Variants in DCC observed in about 807,000 individuals in gnomAD.
DCC encodes the protein netrin receptor DCC.
A neutral mutation model predicts 172.5 loss-of-function variants in DCC; 58 were observed. The ratio of observed to expected loss-of-function variants is 0.34; its 90% confidence interval spans 0.27 to 0.42. The LOEUF (loss-of-function observed/expected upper bound fraction) is 0.42, where lower values mean the gene tolerates loss of function less well. DCC is among the 10% of genes least tolerant of loss of function. The pLI is 1.00. For synonymous variants in DCC, 709 were observed against 644.5 expected, an observed-to-expected ratio of 1.10 and a Z score of -1.52; for missense variants, 1,740 against 1,791.0, an observed-to-expected ratio of 0.97 and a Z score of 0.51.
chr18:52,879,998 C>A (rs2039459908), intron 2 of DCC, among the ~76,000 whole-genome samples: 1 of 152,028 alleles, frequency 6.6e-6, no homozygotes, highest in Non-Finnish European at 1.5e-5. Flanking sequence ...GGATATTCAT[C>A]CCATCAAAGA....
intron 7 of DCC, among the ~76,000 whole-genome samples, chr18:53,070,691 T>C (rs2042640202): frequency 6.6e-6 from 1 of 152,228 alleles, no homozygotes; most frequent in Non-Finnish European, 1.5e-5. Flanking sequence ...GTCAGTGGCA[T>C]CTACTCTCTT....
chr18:53,209,444 C>A (rs1403278020), intron 11 of DCC, among the ~76,000 whole-genome samples: 1 of 152,068 alleles, frequency 6.6e-6, no homozygotes, highest in African/African-American at 2.4e-5. Flanking sequence ...AATTATTTAT[C>A]TTTTTAATTA....
intron 1 of DCC, among the ~76,000 whole-genome samples, chr18:52,367,201 CG>C (rs371978127): frequency 0.1 from 15,826 of 152,204 alleles, 1,033 homozygotes; most frequent in African/African-American, 0.18. Context: ...GCTCTGAGTG[CG>C]GGGCCCGCCA....
Position 53,040,484 on chromosome 18 carries a change from C to G in DCC, c.986-22821C>G, listed in dbSNP as rs938574821. On this transcript the variant is annotated intron_variant, in intron 5 of 28. Transcript: ENST00000442544. ...CTCAAACCTGTCACTGAATCAGAAG[C>G]TCTGGGTGTGAATCCAAGGATTCTG... Among the ~76,000 whole-genome samples, 9 of 151,950 alleles carry G rather than the reference C, an allele frequency of 5.9e-5. No homozygotes were observed. In the East Asian group the frequency reaches 1.7e-3, roughly 29 times the overall value.
At chr18:53,058,919 A>G (rs138354467) in intron 5 of DCC, among the ~76,000 whole-genome samples, 2 of 152,276 alleles carry the variant, frequency 1.3e-5, no homozygotes, top group East Asian at 3.9e-4. Flanking sequence ...GGGTGTCTGT[A>G]TTAGTCCATT....
intron 2 of DCC, among the ~76,000 whole-genome samples, chr18:52,856,611 G>C (rs1448020351): frequency 6.4e-5 from 6 of 93,492 alleles, no homozygotes; most frequent in African/African-American, 2.6e-4. Flanking sequence ...GGGCGACAGA[G>C]CAAGACTCCA....
At chr18:52,467,963 G>T (rs1291657595) in intron 1 of DCC, among the ~76,000 whole-genome samples, 1 of 152,072 alleles carries the variant, frequency 6.6e-6, no homozygotes, top group African/African-American at 2.4e-5. Flanking sequence ...TTGTCAGATG[G>T]ATAGATTGCA....
chr18:52,764,797 G>T (rs1278109395), intron 2 of DCC, among the ~76,000 whole-genome samples: 7 of 152,058 alleles, frequency 4.6e-5, no homozygotes. Flanking sequence ...GTACTGATTT[G>T]TGTCTCTTCT....
Position 53,486,885 on chromosome 18 carries a change from G to A in DCC, c.3825G>A (p.Pro1275=), listed in dbSNP as rs753536689. Residue 1275 remains proline, a synonymous_variant, in exon 26 of 29, where the codon CCG becomes CCA. Transcript: ENST00000442544. ...LPSPTCGYPH[P]QFTLRPVPFP... is the part of the protein sequence containing the mutation. The stretch of plus-strand genomic sequence containing the variant: ...CTCCCACCTGTGGATATCCCCACCC[G>A]CAGTTCACTCTCCGGCCTGTGCCAT... 78 of 1,613,990 alleles carry A rather than the reference G, an allele frequency of 4.8e-5. No individual in the cohort carries two copies. Among genetic ancestry groups the A allele is most frequent in the Middle Eastern group, 3.3e-4 (2 of 6,084 alleles).
intron 1 of DCC, among the ~76,000 whole-genome samples, chr18:52,371,769 C>T (rs76745324): frequency 0.072 from 11,013 of 152,244 alleles, 671 homozygotes; most frequent in East Asian, 0.26. Flanking sequence ...ATGCTAGTTT[C>T]CTCATAGCAT....
chr18:52,852,853 A>G (rs2038997548), intron 2 of DCC, among the ~76,000 whole-genome samples: 1 of 152,166 alleles, frequency 6.6e-6, no homozygotes, highest in African/African-American at 2.4e-5. Context: ...TGGAAATTAC[A>G]TATTTAGTAT....
intron 12 of DCC, among the ~76,000 whole-genome samples, chr18:53,283,639 G>C (rs1192404717): frequency 2.0e-5 from 3 of 152,086 alleles, no homozygotes; most frequent in Admixed American, 2.0e-4. Context: ...AGGTATCCAG[G>C]TCTGTCTAAC....
intron 2 of DCC, among the ~76,000 whole-genome samples, chr18:52,838,027 G>T (rs747955749): frequency 1.3e-5 from 2 of 152,080 alleles, no homozygotes; most frequent in Non-Finnish European, 2.9e-5. Flanking sequence ...TCACTATCAC[G>T]AGAACAGGGT....
At chr18:52,403,454 A>T (rs1986517123) in intron 1 of DCC, among the ~76,000 whole-genome samples, 1 of 152,030 alleles carries the variant, frequency 6.6e-6, no homozygotes, top group South Asian at 2.1e-4. Context: ...TAACACCCTG[A>T]TTAACAGCCC....
At chr18:53,357,939 C>A (rs1311320918) in intron 15 of DCC, among the ~76,000 whole-genome samples, 1 of 152,074 alleles carries the variant, frequency 6.6e-6, no homozygotes, top group African/African-American at 2.4e-5. Flanking sequence ...CACAGAGAAT[C>A]CCTGCTTATT....
rs192940182 is a variant in DCC at position 52,620,119 on chromosome 18, T to G, written c.92-131935T>G. ...CAGTTAATTAAATGGCTCAGGCATG[T>G]CATTTTGGAAAAGCTTTGGATTTGG... is the stretch of plus-strand genomic sequence containing the variant. On this transcript the variant is annotated intron_variant, in intron 1 of 28. Coordinates refer to ENST00000442544, the MANE Select transcript of DCC (RefSeq NM_005215.4). 1.9e-3 allele frequency among the ~76,000 whole-genome samples: 293 copies of G among 152,350 alleles called. 1 individual carries two copies. The highest frequency in any genetic ancestry group is 1.4e-3 in the Non-Finnish European group (98 of 68,040).
chr18:53,333,730 C>A (rs1230864235), intron 14 of DCC, among the ~76,000 whole-genome samples: 1 of 152,106 alleles, frequency 6.6e-6, no homozygotes, highest in Non-Finnish European at 1.5e-5. Flanking sequence ...GGGTTTTGAG[C>A]AGAGCAATAA....
chr18:53,526,652 T>A lies in DCC; in HGVS notation c.4147T>A (p.Ser1383Thr). Residue 1383 changes from serine to threonine, a missense_variant, in exon 28 of 29, where the codon TCC becomes ACC. Ser to Thr is a moderately conservative substitution (Grantham distance 58). Transcript: ENST00000442544. ...TCCTAAGACCCATGTGAAAACAGCC[T>A]CCCTTGGGTTGGCTGGAAAAGCAAG... ...TLPKTHVKTA[S>T]LGLAGKARSP... 1.2e-6 allele frequency: 2 copies of A among 1,613,534 alleles called. No individual in the cohort carries two copies. Among genetic ancestry groups the A allele is most frequent in the Non-Finnish European group, 1.7e-6 (2 of 1,179,622 alleles).
At chr18:53,022,808 A>T (rs1399860489) in intron 5 of DCC, among the ~76,000 whole-genome samples, 1 of 151,978 alleles carries the variant, frequency 6.6e-6, no homozygotes, top group African/African-American at 2.4e-5. Flanking sequence ...TGAAATTTAA[A>T]TGTGATGACT....
Sources: allele counts gnomAD v4.1 joint callset (sites outside exome capture counted in the v4.1 genomes callset), GRCh38; gene constraint gnomAD v4.1.1; transcripts MANE v1.5; gene names NCBI Gene and HGNC (gene_info 2026-07-23, HGNC 2026-07-21).